The following COG6 variants were observed in gnomAD, a reference collection of about 807,000 sequenced individuals.
COG6 encodes conserved oligomeric Golgi complex subunit 6.
A neutral mutation model predicts 88.8 loss-of-function variants in COG6; 74 were observed. That is an observed-to-expected ratio of 0.83 (90% confidence interval 0.69 to 1.01). The LOEUF is 1.01. Ranked by LOEUF, COG6 falls within the 50% of genes least tolerant of loss-of-function variation. The pLI is 0.00. For synonymous variants in COG6, 286 were observed against 278.7 expected (o/e 1.03, Z -0.26); for missense variants, 800 against 797.9 (o/e 1.00, Z -0.03).
At chr13:39,748,444 G>GT (rs2138142847) in intron 18 of COG6, among the ~76,000 whole-genome samples, 1 of 151,804 alleles carries the variant, frequency 6.6e-6, no homozygotes, top group East Asian at 1.9e-4. Flanking sequence ...ATGAAACCCC[G>GT]TCTCTACTAA....
At chr13:39,770,554 C>G (rs933619696) in intron 18 of COG6, among the ~76,000 whole-genome samples, 4 of 152,198 alleles carry the variant, frequency 2.6e-5, no homozygotes, top group African/African-American at 9.7e-5. Context: ...TCCACTGCCT[C>G]ACCCTGCCCC....
intron 18 of COG6, among the ~76,000 whole-genome samples, chr13:39,748,019 C>T (rs1428476801): frequency 2.6e-5 from 4 of 151,954 alleles, no homozygotes; most frequent in African/African-American, 7.3e-5. Flanking sequence ...TCCTTATATA[C>T]GATCAAATAT....
chr13:39,766,270 G>A (rs1881162825), intron 18 of COG6, among the ~76,000 whole-genome samples: 3 of 152,074 alleles, frequency 2.0e-5, no homozygotes, highest in Admixed American at 1.3e-4. Flanking sequence ...TCTCCCACTT[G>A]GCAACTTGAA....
chr13:39,772,371 G>T (rs181205607), intron 18 of COG6, among the ~76,000 whole-genome samples: 1 of 152,168 alleles, frequency 6.6e-6, no homozygotes, highest in Non-Finnish European at 1.5e-5. Flanking sequence ...CCTATCGTGT[G>T]TCAGGCATTT....
At chr13:39,754,903 C>T (rs796992958), downstream of COG6, among the ~76,000 whole-genome samples, 15 of 152,156 alleles carry the variant, frequency 9.9e-5, 1 homozygote, top group African/African-American at 3.6e-4. Context: ...GCCGGATGTC[C>T]TTGGTATAAG....
At chr13:39,673,935 A>G (rs1875804162) in intron 4 of COG6, among the ~76,000 whole-genome samples, 1 of 151,744 alleles carries the variant, frequency 6.6e-6, no homozygotes, top group South Asian at 2.1e-4. Context: ...AAAAAAGATT[A>G]TCACAATTTC....
intron 18 of COG6, among the ~76,000 whole-genome samples, chr13:39,759,899 T>TA (rs560026192): frequency 3.5e-4 from 54 of 152,184 alleles, no homozygotes; most frequent in Non-Finnish European, 6.8e-4. Context: ...AGTATTAACA[T>TA]GTTATACTTG....
chr13:39,789,833 C>T (rs941164265), exon 19 of COG6: 2 of 152,998 alleles, frequency 1.3e-5, no homozygotes, highest in Non-Finnish European at 2.9e-5. Context: ...GAGGGCGCAC[C>T]CTTCTATAGA....
intron 18 of COG6, among the ~76,000 whole-genome samples, chr13:39,785,825 G>A (rs1288377291): frequency 2.6e-5 from 4 of 152,152 alleles, no homozygotes; most frequent in African/African-American, 9.7e-5. Flanking sequence ...GAAGCAGAAG[G>A]ACCACTCCCA....
At chr13:39,772,101 G>T (rs752337643) in intron 18 of COG6, among the ~76,000 whole-genome samples, 77 of 152,200 alleles carry the variant, frequency 5.1e-4, no homozygotes, top group Non-Finnish European at 8.1e-4. Context: ...AGCAAGCTTG[G>T]TGTGATTAGA....
rs114863498 is a variant in COG6, at chr13:39,770,222, G to T, written c.1827-18113G>T. Reference sequence around the variant, plus strand: ...CATATTAGTTAGGTTTTCTTTTTGGGCTGCAGTGGAATGCCACTGACCTCA... The same window carrying T: ...CATATTAGTTAGGTTTTCTTTTTGGTCTGCAGTGGAATGCCACTGACCTCA... On this transcript the variant is annotated intron_variant, in intron 18 of 18. Coordinates refer to the COG6 transcript ENST00000416691. 9.2e-3 allele frequency among the ~76,000 whole-genome samples: 1,400 copies of T among 152,132 alleles called. 21 individuals carry two copies. The highest frequency in any genetic ancestry group is 0.032 in the African/African-American group (1,333 of 41,494).
intron 18 of COG6, among the ~76,000 whole-genome samples, chr13:39,768,965 G>A (rs1881243174): frequency 6.6e-6 from 1 of 151,680 alleles, no homozygotes; most frequent in Admixed American, 6.6e-5. Context: ...TTTTAGTTTT[G>A]CATATTAAGG....
At chr13:39,723,963 A>G (rs1372483866) in intron 16 of COG6, among the ~76,000 whole-genome samples, 1 of 152,036 alleles carries the variant, frequency 6.6e-6, no homozygotes, top group Non-Finnish European at 1.5e-5. Context: ...CCTAGTAGAA[A>G]TAAAGGAGTG....
chr13:39,725,784 T>G (rs139426863), intron 17 of COG6, among the ~76,000 whole-genome samples: 2 of 151,918 alleles, frequency 1.3e-5, no homozygotes, highest in Admixed American at 1.3e-4. Flanking sequence ...GAATTTTAGA[T>G]TCATTAAAAG....
downstream of COG6, among the ~76,000 whole-genome samples, chr13:39,757,512 C>T (rs1880876927): frequency 6.6e-6 from 1 of 151,124 alleles, no homozygotes; most frequent in Non-Finnish European, 1.5e-5. Context: ...ATTAATAAAA[C>T]CAAAAGTTAA....
rs1412263227 is a variant in COG6, at chr13:39,745,241, A to G, written c.1827-5705A>G. Among the ~76,000 whole-genome samples, 4 of 152,278 alleles carry G rather than the reference A, an allele frequency of 2.6e-5. No homozygotes were observed. In the East Asian group the frequency reaches 5.8e-4, roughly 22 times the overall value. On this transcript the variant is annotated intron_variant, in intron 18 of 18. Coordinates refer to ENST00000455146, the MANE Select transcript of COG6 (RefSeq NM_020751.3). ...GCAACAAAAGCCAAAGTAGGAAAAT[A>G]GGATCTAATTAAACTAAAGAGCTTC... is the stretch of plus-strand genomic sequence containing the variant.
At chr13:39,759,777 A>C (rs1308022518) in intron 18 of COG6, among the ~76,000 whole-genome samples, 1 of 152,210 alleles carries the variant, frequency 6.6e-6, no homozygotes, top group Non-Finnish European at 1.5e-5. Flanking sequence ...CCTTAATGCC[A>C]GTGAATGTTA....
Position 39,663,777 on chromosome 13 carries a change from A to G in COG6, c.370-1319A>G, listed in dbSNP as rs536107345. ...GTGGCACATGCCTATAGTCCCAGCT[A>G]TTCTAGAGGCTTAGGTGGGAGGATT... On this transcript the variant is annotated intron_variant, in intron 3 of 18. Transcript: ENST00000455146. Among the ~76,000 whole-genome samples the G allele has an allele frequency of 2.6e-5, 4 of 151,858 alleles. No homozygotes were observed. The South Asian group carries it at 8.3e-4, about 32-fold the overall frequency.
chr13:39,682,316 CTTACT>C (rs775952191), intron 8 of COG6, 52 bp downstream of exon 8: 12 of 1,052,604 alleles, frequency 1.1e-5, no homozygotes, highest in African/African-American at 1.6e-5. Context: ...CTTTTGATAT[CTTACT>C]TTAAATTTTA....
Sources: allele counts gnomAD v4.1 joint callset (sites outside exome capture counted in the v4.1 genomes callset), GRCh38; gene constraint gnomAD v4.1.1; transcripts MANE v1.5; gene names NCBI Gene and HGNC (gene_info 2026-07-23, HGNC 2026-07-21).